Variants in WAC observed in about 807,000 individuals in gnomAD.
WAC encodes the protein WW domain-containing adapter protein with coiled-coil.
In WAC, 11 loss-of-function variants were observed where a neutral mutation model predicts 79.6. The ratio of observed to expected loss-of-function variants is 0.14; its 90% CI spans 0.09 to 0.23. The LOEUF (loss-of-function observed/expected upper bound fraction) is 0.23, where lower values mean the gene tolerates loss of function less well. Among genes scored for constraint, WAC ranks in the 10% least tolerant of loss-of-function variants. The pLI, the probability that WAC is intolerant of heterozygous loss-of-function variation, is 1.00. For missense variants in WAC, 728 were observed against 773.5 expected (o/e 0.94, Z 0.70); for synonymous variants, 304 against 276.9 (o/e 1.10, Z -0.97).
intron 6 of WAC, among the ~76,000 whole-genome samples, chr10:28,592,136 A>T (rs938515360): frequency 6.6e-6 from 1 of 152,206 alleles, no homozygotes; most frequent in Non-Finnish European, 1.5e-5. Context: ...AAAGTACTGA[A>T]GTTGGCATAT....
At chr10:28,533,840 C>G (rs111650596) in intron 1 of WAC, 158 bp from the exon 2 acceptor site, 18 of 1,049,996 alleles carry the variant, frequency 1.7e-5, no homozygotes, top group Non-Finnish European at 4.1e-6. Context: ...CCGGCCCTTC[C>G]GGAGGCTCCG....
chr10:28,617,029 G>A (rs1841498229), intron 12 of WAC, among the ~76,000 whole-genome samples: 1 of 152,162 alleles, frequency 6.6e-6, no homozygotes, highest in Non-Finnish European at 1.5e-5. Context: ...GTTGCAGTGA[G>A]CCGAGATTGC....
chr10:28,557,755 G>A (rs1164438461), intron 3 of WAC, among the ~76,000 whole-genome samples: 1 of 152,098 alleles, frequency 6.6e-6, no homozygotes, highest in Non-Finnish European at 1.5e-5. Flanking sequence ...AAATGTCTTT[G>A]GATAGATTTT....
intron 6 of WAC, chr10:28,591,358 A>G (rs1840073902): frequency 6.6e-6 from 1 of 152,664 alleles, no homozygotes; most frequent in Non-Finnish European, 1.5e-5. Context: ...TTTCCACACA[A>G]TTTTAAAATG....
At chr10:28,562,316 A>T (rs1286383265) in intron 3 of WAC, among the ~76,000 whole-genome samples, 1 of 152,150 alleles carries the variant, frequency 6.6e-6, no homozygotes, top group East Asian at 1.9e-4. Flanking sequence ...TCAGCCTCCC[A>T]AAGTGTTGGG....
chr10:28,543,600 G>A (rs1837181418), intron 3 of WAC, among the ~76,000 whole-genome samples: 1 of 152,204 alleles, frequency 6.6e-6, no homozygotes, highest in Non-Finnish European at 1.5e-5. Context: ...TCTAAGGAAA[G>A]TATTTTGTAT....
chr10:28,533,753 A>C, intron 1 of WAC, 133 bp downstream of exon 1: 1 of 782,820 alleles, frequency 1.3e-6, no homozygotes, highest in South Asian at 2.0e-5. Flanking sequence ...GGGGAGGAGG[A>C]GCGGCCGCGC....
At chr10:28,550,589 A>T (rs1214121087) in intron 3 of WAC, among the ~76,000 whole-genome samples, 1 of 152,104 alleles carries the variant, frequency 6.6e-6, no homozygotes, top group Non-Finnish European at 1.5e-5. Context: ...TAAATGTTAA[A>T]TGTCTTATGT....
At chr10:28,572,782 G>A (rs1839044094) in intron 3 of WAC, among the ~76,000 whole-genome samples, 1 of 152,202 alleles carries the variant, frequency 6.6e-6, no homozygotes, top group African/African-American at 2.4e-5. Context: ...TTGCACTCCA[G>A]CCTTGGCGAT....
intron 1 of WAC, 164 bp downstream of exon 1, chr10:28,533,784 A>G (rs865844793): frequency 1.8e-5 from 18 of 979,256 alleles, no homozygotes; most frequent in Middle Eastern, 3.3e-4. Flanking sequence ...GCGGGAACGC[A>G]GTGTGGCGGG....
chr10:28,590,004 C>A (rs1297823334), intron 5 of WAC, among the ~76,000 whole-genome samples, 153 bp downstream of exon 5: 1 of 152,094 alleles, frequency 6.6e-6, no homozygotes, highest in Non-Finnish European at 1.5e-5. Flanking sequence ...TCGTGTTTTC[C>A]ATAGTTTGTC....
rs1564413811 is a variant in WAC, at chr10:28,603,977, A to ATGTG, written c.920-4208_920-4207insGTGT. Among the ~76,000 whole-genome samples, 2 of 81,528 alleles carry ATGTG rather than the reference A, an allele frequency of 2.5e-5. 1 individual carries two copies. Among genetic ancestry groups the ATGTG allele is most frequent in the African/African-American group, 1.0e-4 (2 of 19,288 alleles). 53.5% of individuals were successfully genotyped at this position (81,528 alleles called of 152,430 possible). A position where few individuals can be genotyped will look rare whatever the true frequency, so the allele number is the denominator to read the frequency against. ...TGTATGTATGTATATATATATATAT[A>ATGTG]TATATATATATGTATATATATATAT... On this transcript the variant is annotated intron_variant, in intron 7 of 13. Coordinates refer to ENST00000354911, the MANE Select transcript of WAC (RefSeq NM_016628.5).
chr10:28,568,022 G>GCCA (rs1309983863), intron 3 of WAC, among the ~76,000 whole-genome samples: 1 of 152,224 alleles, frequency 6.6e-6, no homozygotes. Context: ...ACAGGCCTGA[G>GCCA]CCACCTCGCC....
chr10:28,541,153 A>G (rs1836994815), intron 3 of WAC, among the ~76,000 whole-genome samples: 1 of 152,032 alleles, frequency 6.6e-6, no homozygotes, highest in Non-Finnish European at 1.5e-5. Context: ...AAGTATTTAA[A>G]ATTTTTGGTG....
At chr10:28,574,302 C>T (rs891108723) in intron 3 of WAC, among the ~76,000 whole-genome samples, 1 of 152,132 alleles carries the variant, frequency 6.6e-6, no homozygotes, top group African/African-American at 2.4e-5. Flanking sequence ...CATGCGTCAC[C>T]ACACCTGGCT....
chr10:28,562,980 A>T (rs1838380730), intron 3 of WAC, among the ~76,000 whole-genome samples: 1 of 152,200 alleles, frequency 6.6e-6, no homozygotes, highest in Admixed American at 6.5e-5. Context: ...GTGATCAAAA[A>T]TTTTATTTTC....
intron 3 of WAC, among the ~76,000 whole-genome samples, chr10:28,553,556 C>T (rs1197716936): frequency 1.3e-5 from 2 of 151,912 alleles, no homozygotes; most frequent in East Asian, 3.8e-4. Flanking sequence ...CCTTAAGGCA[C>T]TCATGGTGTT....
In WAC at chr10:28,621,215, A is replaced by ATTTTTTTTTTTTTT. The variant is rs9331408; in HGVS notation, c.*1616_*1629dup. 1 of 102,504 alleles carries ATTTTTTTTTTTTTT rather than the reference A, an allele frequency of 9.8e-6. No individual in the cohort carries two copies. The highest frequency in any genetic ancestry group is 3.7e-5 in the African/African-American group (1 of 27,056). 6.3% of individuals were successfully genotyped at this position (102,504 alleles called of 1,614,324 possible). ...TAAATTGGTTTAGGGTTTTTTGGTG[A>ATTTTTTTTTTTTTT]TTTTTTTTTTTTTTTTTTTTCTGTT... On this transcript the variant is annotated 3_prime_UTR_variant, in exon 14 of 14. Transcript: ENST00000354911.
intron 3 of WAC, among the ~76,000 whole-genome samples, chr10:28,561,067 A>G (rs937632022): frequency 6.6e-6 from 1 of 152,246 alleles, no homozygotes; most frequent in African/African-American, 2.4e-5. Flanking sequence ...ATGTGAGTGT[A>G]TACTGTGTCT....
Sources: allele counts gnomAD v4.1 joint callset (sites outside exome capture counted in the v4.1 genomes callset), GRCh38; gene constraint gnomAD v4.1.1; transcripts MANE v1.5; gene names NCBI Gene and HGNC (gene_info 2026-07-23, HGNC 2026-07-21).